Variants in TOM1L1 observed in about 807,000 individuals in gnomAD.
TOM1L1 encodes the protein target of myb1 like 1 membrane trafficking protein, also known as TOM1-like protein 1.
A neutral mutation model predicts 63.4 loss-of-function variants in TOM1L1; 64 were observed. That is an observed-to-expected ratio of 1.01 (90% CI 0.83 to 1.24). TOM1L1 has a LOEUF of 1.24. Among genes scored for constraint, TOM1L1 ranks in the 50% most tolerant of loss-of-function variants. TOM1L1 has a pLI of 0.00. For missense variants in TOM1L1, 536 were observed against 567.0 expected (o/e 0.95, Z 0.55); for synonymous variants, 166 against 194.4 (o/e 0.85, Z 1.22).
chr17:54,908,225 A>C (rs990205396), intron 3 of TOM1L1, among the ~76,000 whole-genome samples: 1 of 152,218 alleles, frequency 6.6e-6, no homozygotes, highest in Non-Finnish European at 1.5e-5. Flanking sequence ...CAGTACATTA[A>C]AGTCAGGAAA....
chr17:54,901,743 T>C (rs1432490897), intron 1 of TOM1L1, among the ~76,000 whole-genome samples: 1 of 152,088 alleles, frequency 6.6e-6, no homozygotes, highest in African/African-American at 2.4e-5. Flanking sequence ...GAGAACCTAG[T>C]AGTTGTAGTA....
At chr17:54,913,976 G>T in intron 5 of TOM1L1, 103 bp downstream of exon 5, 1 of 1,327,612 alleles carries the variant, frequency 7.5e-7, no homozygotes, top group Non-Finnish European at 1.0e-6. Flanking sequence ...TAAGCAAAAA[G>T]ATGAAGTTAT....
chr17:54,959,726 T>A (rs1378414845), intron 14 of TOM1L1, among the ~76,000 whole-genome samples: 5 of 151,212 alleles, frequency 3.3e-5, no homozygotes, highest in Admixed American at 3.3e-4. Flanking sequence ...CCAGTGATCC[T>A]CCGACCTCAG....
intron 3 of TOM1L1, among the ~76,000 whole-genome samples, chr17:54,907,191 T>C (rs77720960): frequency 0.14 from 19,842 of 145,296 alleles, 1,753 homozygotes; most frequent in East Asian, 0.35. Context: ...TGTCCTTAAC[T>C]CTTGAAGGTC....
chr17:54,929,374 G>GA (rs58110510), intron 7 of TOM1L1, among the ~76,000 whole-genome samples: 9,411 of 140,572 alleles, frequency 0.067, 985 homozygotes, highest in African/African-American at 0.22. Context: ...ATGCTTATGA[G>GA]AAAAAAAAAA....
chr17:54,909,302 G>C (rs141957420), intron 3 of TOM1L1, among the ~76,000 whole-genome samples: 2 of 152,258 alleles, frequency 1.3e-5, no homozygotes, highest in Non-Finnish European at 2.9e-5. Flanking sequence ...TGTCCCCCCA[G>C]GAGCTTGTTG....
In TOM1L1 at chr17:54,956,170, G is replaced by T. The variant is rs184887414; in HGVS notation, c.1371-4396G>T. Among the ~76,000 whole-genome samples, 4 of 152,198 alleles carry T rather than the reference G, an allele frequency of 2.6e-5. No homozygotes were observed. The East Asian group carries it at 7.7e-4, about 29-fold the overall frequency. On this transcript the variant is annotated intron_variant, in intron 14 of 15. Coordinates refer to ENST00000575882, the MANE Select transcript of TOM1L1 (RefSeq NM_005486.3). Reference sequence around the variant, plus strand: ...GGTTATTATTATTTTTTCTTGACAGGGTCTCACTGTGTCACTCAAACTAGA... The same window carrying T: ...GGTTATTATTATTTTTTCTTGACAGTGTCTCACTGTGTCACTCAAACTAGA...
Position 54,900,921 on chromosome 17 carries a change from T to C in TOM1L1, c.56T>C (p.Ile19Thr). Residue 19 changes from isoleucine (I) to threonine (T), a missense_variant and splice_region_variant, in exon 1 of 16, where the codon ATA (isoleucine) becomes ACA (threonine). Coordinates refer to ENST00000575882, the MANE Select transcript of TOM1L1 (RefSeq NM_005486.3). ...DPYATSVGHL[I>T]EKATFAGVQT... ...TACGCGACCTCCGTGGGCCACCTCA[T>C]AGGTAAGGAGGCGCGGGGAGAGACG... 6.2e-7 allele frequency: 1 copy of C among 1,613,860 alleles called. No individual in the cohort carries two copies. The highest frequency in any genetic ancestry group is 1.1e-5 in the South Asian group (1 of 91,076).
At chr17:54,926,962 G>A (rs1232406501) in intron 7 of TOM1L1, among the ~76,000 whole-genome samples, 2 of 152,316 alleles carry the variant, frequency 1.3e-5, no homozygotes, top group South Asian at 2.1e-4. Flanking sequence ...ATGTGGGTAC[G>A]TGAGGCAATT....
chr17:54,923,588 C>G (rs1175251302), intron 7 of TOM1L1, among the ~76,000 whole-genome samples: 1 of 151,780 alleles, frequency 6.6e-6, no homozygotes, highest in Non-Finnish European at 1.5e-5. Flanking sequence ...CTCTGTCACC[C>G]AGGCTGGAGT....
chr17:54,908,905 GT>G (rs2048454385), intron 3 of TOM1L1, among the ~76,000 whole-genome samples: 1 of 152,152 alleles, frequency 6.6e-6, no homozygotes, highest in Middle Eastern at 3.2e-3. Flanking sequence ...GTAAAATGTG[GT>G]TGAAAATAAT....
At chr17:54,909,030 G>C (rs2048456321) in intron 3 of TOM1L1, among the ~76,000 whole-genome samples, 1 of 152,170 alleles carries the variant, frequency 6.6e-6, no homozygotes, top group African/African-American at 2.4e-5. Context: ...AGGCCGAGGA[G>C]GGTAGATCAC....
chr17:54,904,944 A>G (rs2048386686), intron 2 of TOM1L1, among the ~76,000 whole-genome samples: 1 of 152,204 alleles, frequency 6.6e-6, no homozygotes, highest in Admixed American at 6.5e-5. Context: ...TCCTCTGGGA[A>G]CATTTTCATT....
At chr17:54,942,071 C>A (rs1403696830) in intron 11 of TOM1L1, among the ~76,000 whole-genome samples, 2 of 151,952 alleles carry the variant, frequency 1.3e-5, no homozygotes, top group East Asian at 3.9e-4. Flanking sequence ...CCTTAAAAAA[C>A]AATAACAAAG....
chr17:54,952,065 T>A (rs937910566), intron 14 of TOM1L1: 2 of 152,066 alleles, frequency 1.3e-5, no homozygotes, highest in Non-Finnish European at 2.9e-5. Flanking sequence ...TGTTTTAGGG[T>A]CTCCCAGGAT....
chr17:54,940,887 T>C (rs1344229432), intron 11 of TOM1L1, among the ~76,000 whole-genome samples: 4 of 152,224 alleles, frequency 2.6e-5, no homozygotes, highest in Non-Finnish European at 5.9e-5. Context: ...CTTATGCCAA[T>C]GTCAATAGCT....
chr17:54,943,479 T>TGTGTGTGTGTGTGA (rs748237003), intron 11 of TOM1L1, among the ~76,000 whole-genome samples: 46 of 150,318 alleles, frequency 3.1e-4, no homozygotes, highest in Admixed American at 1.0e-3. Context: ...TGTGTGTGTG[T>TGTGTGTGTGTGTGA]GAAATAAAGT....
chr17:54,961,657 C>T lies in TOM1L1; in HGVS notation c.*424C>T. The stretch of plus-strand genomic sequence containing the variant: ...CTGAATGTATTATTCAGGAAGAATA[C>T]TGAGTGCCTTCATTTAACTAAAGTT... On this transcript the variant is annotated 3_prime_UTR_variant, in exon 16 of 16. Transcript: ENST00000575882. 1 of 1,073,948 alleles carries T rather than the reference C, an allele frequency of 9.3e-7. No individual in the cohort carries two copies. The highest frequency in any genetic ancestry group is 1.1e-6 in the Non-Finnish European group (1 of 886,208). 66.5% of individuals were successfully genotyped at this position (1,073,948 alleles called of 1,614,324 possible).
intron 9 of TOM1L1, 47 bp from the exon 10 acceptor site, chr17:54,937,061 CT>C (rs2048959536): frequency 6.9e-7 from 1 of 1,441,976 alleles, no homozygotes; most frequent in Non-Finnish European, 9.7e-7. Flanking sequence ...GGGGAGAAAG[CT>C]GTGATAAACT....
Sources: gnomAD v4.1 joint callset for allele counts (sites outside exome capture counted in the v4.1 genomes callset) on GRCh38, gnomAD v4.1.1 for gene constraint, MANE v1.5 for transcripts, NCBI Gene and HGNC (gene_info 2026-07-23, HGNC 2026-07-21) for gene names.